The following KCNIP1 variants were observed in gnomAD, a reference collection of about 807,000 sequenced individuals.
The protein encoded by KCNIP1 is potassium voltage-gated channel interacting protein 1.
A neutral mutation model predicts 33.0 loss-of-function variants in KCNIP1; 18 were observed. The ratio of observed to expected loss-of-function variants is 0.55; its 90% CI spans 0.38 to 0.81. KCNIP1 has a LOEUF of 0.81. Among genes scored for constraint, KCNIP1 ranks in the 30% least tolerant of loss-of-function variants. The pLI, the probability that KCNIP1 is intolerant of heterozygous loss-of-function variation, is 0.00. For missense variants in KCNIP1, 238 were observed against 271.6 expected, an observed-to-expected ratio of 0.88 and a Z score of 0.87; for synonymous variants, 93 against 98.3, an observed-to-expected ratio of 0.95 and a Z score of 0.32.
At chr5:170,621,240 AC>A (rs1759590329) in intron 1 of KCNIP1, among the ~76,000 whole-genome samples, 1 of 152,270 alleles carries the variant, frequency 6.6e-6, no homozygotes, top group African/African-American at 2.4e-5. Context: ...TCTGGCCTAG[AC>A]CCTGTAGGCC....
intron 1 of KCNIP1, among the ~76,000 whole-genome samples, chr5:170,639,845 CCT>C (rs770998311): frequency 6.6e-6 from 1 of 152,210 alleles, no homozygotes; most frequent in Non-Finnish European, 1.5e-5. Context: ...ACTCCCTCCC[CCT>C]GACAAAAACA....
At chr5:170,457,334 CAT>C (rs938479351) in intron 1 of KCNIP1, among the ~76,000 whole-genome samples, 1 of 152,220 alleles carries the variant, frequency 6.6e-6, no homozygotes, top group Non-Finnish European at 1.5e-5. Context: ...ACCACCACCA[CAT>C]GTCAGGAAGA....
At chr5:170,635,092 C>T (rs992873333) in intron 1 of KCNIP1, among the ~76,000 whole-genome samples, 4 of 152,270 alleles carry the variant, frequency 2.6e-5, no homozygotes, top group East Asian at 1.9e-4. Context: ...GGCAGTGGTG[C>T]GATCTCCACT....
intron 1 of KCNIP1, among the ~76,000 whole-genome samples, chr5:170,426,274 A>ACACACACACACACACAC (rs371118514): frequency 1.8e-5 from 1 of 56,712 alleles, no homozygotes; most frequent in Admixed American, 1.8e-4. Flanking sequence ...CACACACACA[A>ACACACACACACACACAC]ACACACACAC....
At chr5:170,433,332 G>T (rs34903092) in intron 1 of KCNIP1, among the ~76,000 whole-genome samples, 29,309 of 151,884 alleles carry the variant, frequency 0.19, 2,865 homozygotes, top group Non-Finnish European at 0.21. Flanking sequence ...GATTACAGGC[G>T]CCCAACATCA....
chr5:170,386,133 A>C (rs1764462526), intron 1 of KCNIP1, among the ~76,000 whole-genome samples: 1 of 149,804 alleles, frequency 6.7e-6, no homozygotes, highest in Non-Finnish European at 1.5e-5. Flanking sequence ...AAAAAAAAAA[A>C]CAAAAAACAA....
chr5:170,428,690 A>G (rs928136246), intron 1 of KCNIP1, among the ~76,000 whole-genome samples: 1 of 152,140 alleles, frequency 6.6e-6, no homozygotes, highest in Admixed American at 6.5e-5. Context: ...ACTAAAGCCA[A>G]TAGGAAGAAA....
intron 1 of KCNIP1, among the ~76,000 whole-genome samples, chr5:170,711,956 G>A (rs1415409059): frequency 6.6e-6 from 1 of 152,166 alleles, no homozygotes. Flanking sequence ...CACTCAAGAT[G>A]GTGGCTGAGC....
At chr5:170,421,831 AT>A (rs1755501735) in intron 1 of KCNIP1, 1 of 152,118 alleles carries the variant, frequency 6.6e-6, no homozygotes, top group South Asian at 2.1e-4. Flanking sequence ...ACCAAGACGT[AT>A]TTTTCCAATG....
At chr5:170,433,470 A>C (rs931579720) in intron 1 of KCNIP1, among the ~76,000 whole-genome samples, 1 of 152,222 alleles carries the variant, frequency 6.6e-6, no homozygotes, top group African/African-American at 2.4e-5. Context: ...TATAGGCATG[A>C]GCCACTGTAC....
intron 1 of KCNIP1, among the ~76,000 whole-genome samples, chr5:170,559,118 A>G (rs2113448444): frequency 6.6e-6 from 1 of 152,288 alleles, no homozygotes; most frequent in African/African-American, 2.4e-5. Context: ...TCCCAGTTTC[A>G]ACATCACTCC....
intron 5 of KCNIP1, among the ~76,000 whole-genome samples, chr5:170,727,924 G>A (rs1764064940): frequency 6.6e-6 from 1 of 152,050 alleles, no homozygotes; most frequent in African/African-American, 2.4e-5. Context: ...CTGGGCAACA[G>A]AACAAGACCC....
At chr5:170,704,715 C>G (rs916015321) in intron 1 of KCNIP1, among the ~76,000 whole-genome samples, 1 of 152,136 alleles carries the variant, frequency 6.6e-6, no homozygotes, top group Admixed American at 6.5e-5. Context: ...CCCTGGGGCC[C>G]CTCCAGGTCC....
intron 1 of KCNIP1, among the ~76,000 whole-genome samples, chr5:170,427,663 G>A (rs1755644273): frequency 6.6e-6 from 1 of 152,204 alleles, no homozygotes; most frequent in Non-Finnish European, 1.5e-5. Context: ...TCTCCACCTT[G>A]CCGGCCTGCT....
chr5:170,683,876 A>C (rs1762446027), intron 1 of KCNIP1, among the ~76,000 whole-genome samples: 1 of 146,604 alleles, frequency 6.8e-6, no homozygotes, highest in Admixed American at 6.9e-5. Context: ...GGCATACACC[A>C]CTATGCCCAG....
chr5:170,700,349 A>T (rs180848588), intron 1 of KCNIP1, among the ~76,000 whole-genome samples: 1 of 152,150 alleles, frequency 6.6e-6, no homozygotes, highest in African/African-American at 2.4e-5. Flanking sequence ...GTAATCAAAC[A>T]TTATTTTTAA....
chr5:170,390,539 T>TATATATATATATATATA (rs1581143220), intron 1 of KCNIP1, among the ~76,000 whole-genome samples: 7 of 133,766 alleles, frequency 5.2e-5, no homozygotes, highest in Admixed American at 7.7e-5. Flanking sequence ...TATATATATA[T>TATATATATATATATATA]TTTCAACAAA....
At position 170,672,173 on chromosome 5, in the gene KCNIP1, G is replaced by T. The variant is rs188091206; in HGVS notation, c.62-46585G>T. 2.4e-3 allele frequency among the ~76,000 whole-genome samples: 367 copies of T among 152,330 alleles called. 2 individuals carry two copies. The highest frequency in any genetic ancestry group is 0.013 in the South Asian group (63 of 4,822). ...CAGAGCCTGGCACTGGAAACAAAAT[G>T]CAAGTCACTTCGTGGACTGAGACCT... On this transcript the variant is annotated intron_variant, in intron 1 of 7. Coordinates refer to ENST00000328939, the MANE Select transcript of KCNIP1 (RefSeq NM_014592.4).
chr5:170,670,014 G>C (rs1761853388), intron 1 of KCNIP1, among the ~76,000 whole-genome samples: 1 of 152,160 alleles, frequency 6.6e-6, no homozygotes, highest in African/African-American at 2.4e-5. Flanking sequence ...GGGTTTGCCT[G>C]GGGATCCAAT....
Sources: gnomAD v4.1 joint callset for allele counts (sites outside exome capture counted in the v4.1 genomes callset) on GRCh38, gnomAD v4.1.1 for gene constraint, MANE v1.5 for transcripts, NCBI Gene and HGNC (gene_info 2026-07-23, HGNC 2026-07-21) for gene names.